Variants in DLG2 observed in about 807,000 individuals in gnomAD.
The protein encoded by DLG2 is discs large MAGUK scaffold protein 2.
A neutral mutation model predicts 132.5 loss-of-function variants in DLG2; 45 were observed. The ratio of observed to expected loss-of-function variants is 0.34; its 90% CI spans 0.27 to 0.44. DLG2 has a LOEUF of 0.44. Among genes scored for constraint, DLG2 ranks in the 20% least tolerant of loss-of-function variants. The probability of loss-of-function intolerance (pLI) is 1.00; values close to 1 mark genes in which losing one functional copy is unlikely to be tolerated. For synonymous variants in DLG2, 424 were observed against 419.6 expected (o/e 1.01, Z -0.13); for missense variants, 1,045 against 1,196.9 (o/e 0.87, Z 1.87).
At chr11:84,480,550 A>T (rs951393070) in intron 7 of DLG2, among the ~76,000 whole-genome samples, 1 of 152,088 alleles carries the variant, frequency 6.6e-6, no homozygotes, top group Non-Finnish European at 1.5e-5. Flanking sequence ...AAAAAGAAAA[A>T]AAGAAAGAAA....
intron 19 of DLG2, among the ~76,000 whole-genome samples, chr11:83,546,569 A>G (rs2096248664): frequency 6.6e-6 from 1 of 152,160 alleles, no homozygotes; most frequent in Non-Finnish European, 1.5e-5. Flanking sequence ...TCTGCCATGT[A>G]AGCATTTTTG....
chr11:85,584,326 AGTAGTATTCCATGGTGTGTGT>A (rs1299304311), intron 3 of DLG2, among the ~76,000 whole-genome samples: 3 of 146,244 alleles, frequency 2.1e-5, no homozygotes, highest in Admixed American at 6.9e-5. Context: ...TTTATGGCTG[AGTAGTATTCCATGGTGTGTGT>A]GTGTGTGTGT....
At chr11:85,338,197 CTA>C (rs2082256674) in intron 3 of DLG2, among the ~76,000 whole-genome samples, 1 of 152,002 alleles carries the variant, frequency 6.6e-6, no homozygotes, top group Non-Finnish European at 1.5e-5. Flanking sequence ...ATTGTTAACT[CTA>C]GGGAAAAAAG....
At chr11:85,410,164 T>C (rs964738591) in intron 3 of DLG2, among the ~76,000 whole-genome samples, 12 of 151,932 alleles carry the variant, frequency 7.9e-5, no homozygotes, top group African/African-American at 2.7e-4. Flanking sequence ...AAAGAGGAAA[T>C]TGTACACTTA....
intron 6 of DLG2, among the ~76,000 whole-genome samples, chr11:84,782,284 C>T (rs952501192): frequency 2.6e-5 from 4 of 151,974 alleles, no homozygotes; most frequent in Non-Finnish European, 5.9e-5. Flanking sequence ...AATAATATTG[C>T]TTTAAATATA....
intron 7 of DLG2, among the ~76,000 whole-genome samples, chr11:84,301,206 G>A (rs899449870): frequency 1.3e-5 from 2 of 152,038 alleles, no homozygotes; most frequent in Admixed American, 1.3e-4. Context: ...CCAACATTAT[G>A]GGTTTTGGTA....
At chr11:84,307,198 C>G (rs1420015621) in intron 7 of DLG2, among the ~76,000 whole-genome samples, 4 of 152,124 alleles carry the variant, frequency 2.6e-5, no homozygotes, top group African/African-American at 9.7e-5. Context: ...TCCTTTGCAG[C>G]AACATAGATG....
intron 6 of DLG2, among the ~76,000 whole-genome samples, chr11:84,669,884 G>A (rs918208008): frequency 4.6e-5 from 7 of 152,094 alleles, no homozygotes; most frequent in Admixed American, 6.6e-5. Context: ...CTGGGAACTC[G>A]AAGAAAGAGT....
intron 20 of DLG2, among the ~76,000 whole-genome samples, chr11:83,539,695 AT>A (rs2096004553): frequency 6.6e-6 from 1 of 151,472 alleles, no homozygotes; most frequent in African/African-American, 2.4e-5. Context: ...TGCACCCTTC[AT>A]AAAAAGTAGA....
rs534402243 is a variant in DLG2, at chr11:84,191,604, G to A, written c.574-28093C>T. ...AAATGAACTAATACAAATATCCAAA[G>A]TTAGAACTTTCTGAAATACCTTATC... is the stretch of plus-strand genomic sequence containing the variant. On this transcript the variant is annotated intron_variant, in intron 8 of 27. Transcript: ENST00000376104. Among the ~76,000 whole-genome samples the A allele has an allele frequency of 3.9e-5, 6 of 152,264 alleles. No individual in the cohort carries two copies. In the South Asian group the frequency reaches 8.3e-4, roughly 21 times the overall value.
At chr11:84,961,183 C>T (rs972149826) in intron 6 of DLG2, among the ~76,000 whole-genome samples, 3 of 150,278 alleles carry the variant, frequency 2.0e-5, no homozygotes, top group South Asian at 2.1e-4. Flanking sequence ...GTGCCCATCA[C>T]GTGATCTACA....
At chr11:85,485,317 C>T (rs538190486) in intron 3 of DLG2, among the ~76,000 whole-genome samples, 4 of 152,142 alleles carry the variant, frequency 2.6e-5, no homozygotes, top group East Asian at 3.9e-4. Context: ...CTAACCTGCA[C>T]ATTGTGCACA....
chr11:84,592,669 A>G (rs776360177), intron 6 of DLG2, among the ~76,000 whole-genome samples: 1 of 152,074 alleles, frequency 6.6e-6, no homozygotes, highest in Non-Finnish European at 1.5e-5. Context: ...ATATGAACAG[A>G]CACTTCTTGA....
intron 3 of DLG2, among the ~76,000 whole-genome samples, chr11:85,540,363 C>A (rs776622402): frequency 2.0e-5 from 3 of 152,180 alleles, no homozygotes; most frequent in Admixed American, 6.5e-5. Flanking sequence ...GAAGAGCACA[C>A]TGACAGACAC....
At chr11:84,586,168 G>GT (rs59325747) in intron 6 of DLG2, among the ~76,000 whole-genome samples, 40,799 of 149,228 alleles carry the variant, frequency 0.27, 6,523 homozygotes, top group African/African-American at 0.42. Context: ...AAAAAAAAGG[G>GT]TTTGTAATTA....
At chr11:84,578,588 T>C (rs372377006) in intron 6 of DLG2, among the ~76,000 whole-genome samples, 9 of 152,306 alleles carry the variant, frequency 5.9e-5, no homozygotes, top group African/African-American at 2.2e-4. Flanking sequence ...CCATTTGGAA[T>C]GGCTGTATTT....
intron 3 of DLG2, among the ~76,000 whole-genome samples, chr11:85,505,968 A>T (rs2093922172): frequency 1.3e-5 from 2 of 152,126 alleles, no homozygotes; most frequent in Non-Finnish European, 2.9e-5. Context: ...GTGTCCAGGA[A>T]TTTATCCATT....
At chr11:84,857,930 T>G (rs1030794833) in intron 6 of DLG2, among the ~76,000 whole-genome samples, 10 of 151,936 alleles carry the variant, frequency 6.6e-5, no homozygotes, top group African/African-American at 1.2e-4. Context: ...TCACTGTGTG[T>G]CATGCAGGCT....
At chr11:85,216,755 G>T (rs562540594) in intron 4 of DLG2, among the ~76,000 whole-genome samples, 1 of 152,042 alleles carries the variant, frequency 6.6e-6, no homozygotes, top group African/African-American at 2.4e-5. Context: ...GGAGTGCAGT[G>T]GCTGAATCTT....
Sources: gnomAD v4.1 joint callset for allele counts (sites outside exome capture counted in the v4.1 genomes callset) on GRCh38, gnomAD v4.1.1 for gene constraint, MANE v1.5 for transcripts, NCBI Gene and HGNC (gene_info 2026-07-23, HGNC 2026-07-21) for gene names.